Variants in RELCH observed in about 807,000 individuals in gnomAD.
RELCH encodes the protein RAB11-binding protein RELCH.
Under a neutral mutation model 150.3 loss-of-function variants are expected in RELCH, and 41 were observed. The ratio of observed to expected loss-of-function variants is 0.27; its 90% CI spans 0.21 to 0.35. RELCH has a LOEUF of 0.35. Ranked by LOEUF, RELCH falls within the 10% of genes least tolerant of loss-of-function variation. The pLI, the probability that RELCH is intolerant of heterozygous loss-of-function variation, is 1.00. For synonymous variants in RELCH, 478 were observed against 531.8 expected (o/e 0.90, Z 1.39); for missense variants, 1,092 against 1,467.8 (o/e 0.74, Z 4.18).
At chr18:62,282,217 A>T in intron 24 of RELCH, 89 bp from the exon 25 acceptor site, 1 of 1,124,892 alleles carries the variant, frequency 8.9e-7, no homozygotes, top group Non-Finnish European at 1.3e-6. Flanking sequence ...CCACTGCTTT[A>T]AGTCATGTTT....
Position 62,206,994 on chromosome 18 carries a change from C to G in RELCH, c.527-4159C>G, listed in dbSNP as rs1463290153. On this transcript the variant is annotated intron_variant, in intron 1 of 28. Coordinates refer to ENST00000644646, the MANE Select transcript of RELCH (RefSeq NM_001346231.2). ...GGTTCAAGTGATCCTCCCACCTCAGCCTCATTTAAAGTGTACAATTCATTG... is the reference window on the plus strand; with the variant it reads ...GGTTCAAGTGATCCTCCCACCTCAGGCTCATTTAAAGTGTACAATTCATTG... Among the ~76,000 whole-genome samples the G allele has an allele frequency of 2.6e-5, 4 of 152,122 alleles. No individual in the cohort carries two copies. In the East Asian group the frequency reaches 7.7e-4, roughly 29 times the overall value.
At chr18:62,304,598 T>A (rs1213994532) in intron 28 of RELCH, among the ~76,000 whole-genome samples, 1 of 152,160 alleles carries the variant, frequency 6.6e-6, no homozygotes, top group East Asian at 1.9e-4. Context: ...GGAAACTGAG[T>A]CAGAGAGAGC....
At chr18:62,197,453 C>T (rs1334166837) in intron 1 of RELCH, among the ~76,000 whole-genome samples, 1 of 152,096 alleles carries the variant, frequency 6.6e-6, no homozygotes, top group Non-Finnish European at 1.5e-5. Flanking sequence ...TGTGCTGTTC[C>T]ACCCTATCCT....
chr18:62,299,243 T>C (rs1397654342), intron 28 of RELCH, among the ~76,000 whole-genome samples: 1 of 152,186 alleles, frequency 6.6e-6, no homozygotes, highest in Non-Finnish European at 1.5e-5. Flanking sequence ...TAAAGGACTA[T>C]CAACTTGGGA....
At chr18:62,280,774 G>A (rs1600220882) in intron 24 of RELCH, 65 bp downstream of exon 24, 1 of 1,092,918 alleles carries the variant, frequency 9.1e-7, no homozygotes, top group East Asian at 2.4e-5. Flanking sequence ...CATGTATCTG[G>A]TGGTAGGCTG....
Position 62,305,579 on chromosome 18 carries a change from C to G in RELCH, c.*45C>G. 1 of 1,550,084 alleles carries G rather than the reference C, an allele frequency of 6.5e-7. No homozygotes were observed. Among genetic ancestry groups the G allele is most frequent in the Non-Finnish European group, 8.7e-7 (1 of 1,152,114 alleles). On this transcript the variant is annotated 3_prime_UTR_variant, in exon 29 of 29. Transcript: ENST00000644646. The surrounding 1 kb of genome is among the most constrained non-coding windows in gnomAD (Gnocchi z 4.0). ...AGTAAACACTAAGATGGACCTCAAG[C>G]CGACTGGTTCCTTGTACTTGAAGTA...
At chr18:62,199,707 T>C (rs1201116629) in intron 1 of RELCH, among the ~76,000 whole-genome samples, 3 of 152,192 alleles carry the variant, frequency 2.0e-5, no homozygotes, top group East Asian at 1.9e-4. Context: ...TTACCTGGAA[T>C]CTAGGCGATC....
At chr18:62,269,407 TC>T (rs2043768112) in intron 20 of RELCH, 2 of 428,300 alleles carry the variant, frequency 4.7e-6, no homozygotes, top group Admixed American at 2.7e-5. Flanking sequence ...ATTTTTTTTT[TC>T]AGATAAAGGA....
At chr18:62,255,214 T>C (rs1178662584) in intron 12 of RELCH, among the ~76,000 whole-genome samples, 193 bp from the exon 13 acceptor site, 1 of 152,136 alleles carries the variant, frequency 6.6e-6, no homozygotes, top group Admixed American at 6.6e-5. Flanking sequence ...AGATGACCCC[T>C]GTAACCTCAT....
intron 27 of RELCH, among the ~76,000 whole-genome samples, chr18:62,292,540 C>T (rs1453627596): frequency 6.6e-6 from 1 of 152,158 alleles, no homozygotes; most frequent in East Asian, 1.9e-4. Flanking sequence ...TCATCTTCTG[C>T]TCTAACCCCA....
chr18:62,253,653 T>A (rs1372638737), intron 12 of RELCH, among the ~76,000 whole-genome samples: 1 of 152,142 alleles, frequency 6.6e-6, no homozygotes, highest in African/African-American at 2.4e-5. Flanking sequence ...TCATTTATAG[T>A]CCTATTCCCA....
In RELCH at chr18:62,227,392, T is replaced by C; in HGVS notation, c.962T>C (p.Leu321Pro). The change falls in exon 6 of 29, where the codon CTT becomes CCT. Residue 321 changes from leucine (L) to proline (P), a missense_variant. Leu to Pro is a moderately conservative substitution (Grantham distance 98). Around this residue, in one of 4 missense-constraint regions of RELCH, gnomAD observed 57 missense variants for 41.5 expected, o/e 1.37. Coordinates refer to ENST00000644646, the MANE Select transcript of RELCH (RefSeq NM_001346231.2). The stretch of plus-strand genomic sequence containing the variant: ...AATCATCAAGTAACTGGAAAAGATC[T>C]TGTAGATGTGGCCAGTGGAGTAGAA... ...FGNHQVTGKDLVDVASGVEED... is the reference protein window; with the variant it reads ...FGNHQVTGKDPVDVASGVEED... The C allele has an allele frequency of 6.2e-7, 1 of 1,612,970 alleles. No homozygotes were observed. Among genetic ancestry groups the C allele is most frequent in the Admixed American group, 1.7e-5 (1 of 59,884 alleles).
At chr18:62,255,657 A>G (rs1313831908) in intron 13 of RELCH, among the ~76,000 whole-genome samples, 179 bp downstream of exon 13, 1 of 152,140 alleles carries the variant, frequency 6.6e-6, no homozygotes, top group Non-Finnish European at 1.5e-5. Flanking sequence ...ACACATAGGT[A>G]CATTACCACT....
At position 62,274,153 on chromosome 18, in the gene RELCH, C is replaced by T. The variant is rs891562309; in HGVS notation, c.2867+67C>T. The T allele has an allele frequency of 5.0e-6, 5 of 997,402 alleles. No homozygotes were observed. The Admixed American group carries it at 6.2e-5, about 12-fold the overall frequency. 61.8% of individuals were successfully genotyped at this position (997,402 alleles called of 1,614,324 possible). ...GTTTTTAGATTGGATTTATAGAGTA[C>T]ATATTTTAAGTCTAAAAGAGTTGAC... On this transcript the variant is annotated intron_variant, in intron 21 of 28. Coordinates refer to ENST00000644646, the MANE Select transcript of RELCH (RefSeq NM_001346231.2).
chr18:62,232,065 A>G (rs1204619160), intron 9 of RELCH, among the ~76,000 whole-genome samples: 2 of 151,972 alleles, frequency 1.3e-5, no homozygotes, highest in African/African-American at 2.4e-5. Context: ...AATGAAGCCT[A>G]TTAGGCCTCC....
At chr18:62,202,336 T>G (rs1279011627) in intron 1 of RELCH, among the ~76,000 whole-genome samples, 1 of 152,190 alleles carries the variant, frequency 6.6e-6, no homozygotes, top group East Asian at 1.9e-4. Flanking sequence ...ACCTTGAAGC[T>G]TTAATATAAC....
intron 21 of RELCH, among the ~76,000 whole-genome samples, chr18:62,274,500 A>T (rs2044084785): frequency 6.6e-6 from 1 of 152,212 alleles, no homozygotes; most frequent in Non-Finnish European, 1.5e-5. Context: ...AAATAATTTT[A>T]TCTCAGTCTT....
intron 28 of RELCH, 64 bp downstream of exon 28, chr18:62,298,924 G>C: frequency 1.1e-6 from 1 of 875,866 alleles, no homozygotes; most frequent in Non-Finnish European, 1.9e-6. Context: ...TAAATTTGCT[G>C]TCAATCAGTG....
At chr18:62,231,479 A>G (rs953969437) in intron 9 of RELCH, among the ~76,000 whole-genome samples, 1 of 152,048 alleles carries the variant, frequency 6.6e-6, no homozygotes, top group African/African-American at 2.4e-5. Context: ...TTAACATTTT[A>G]TTAACGTTAA....
Sources: allele counts gnomAD v4.1 joint callset (sites outside exome capture counted in the v4.1 genomes callset), GRCh38; gene constraint gnomAD v4.1.1; regional missense constraint gnomAD v4.1.1; non-coding constraint Gnocchi (gnomAD v3.1); transcripts MANE v1.5; gene names NCBI Gene and HGNC (gene_info 2026-07-23, HGNC 2026-07-21).